Variants in ZNF609 observed in about 807,000 individuals in gnomAD.
ZNF609 encodes the protein zinc finger protein 609.
A neutral mutation model predicts 109.5 loss-of-function variants in ZNF609; 11 were observed. The ratio of observed to expected loss-of-function variants is 0.10; its 90% confidence interval spans 0.06 to 0.17. The LOEUF (loss-of-function observed/expected upper bound fraction) is 0.17, where lower values mean the gene tolerates loss of function less well. ZNF609 is among the 10% of genes least tolerant of loss of function. The pLI is 1.00. For synonymous variants in ZNF609, 646 were observed against 662.0 expected, an observed-to-expected ratio of 0.98 and a Z score of 0.37; for missense variants, 1,559 against 1,772.4, an observed-to-expected ratio of 0.88 and a Z score of 2.16.
chr15:64,480,376 C>G (rs1893235177), intron 1 of ZNF609, among the ~76,000 whole-genome samples: 1 of 151,906 alleles, frequency 6.6e-6, no homozygotes, highest in African/African-American at 2.4e-5. Flanking sequence ...TACTAAAATA[C>G]AAAAATTAGC....
At chr15:64,633,321 A>G (rs1177765028) in intron 3 of ZNF609, among the ~76,000 whole-genome samples, 4 of 151,830 alleles carry the variant, frequency 2.6e-5, no homozygotes, top group Non-Finnish European at 1.5e-5. Context: ...CTAATTTTGT[A>G]TTTTTTGTGG....
At chr15:64,565,396 C>T (rs910773476) in intron 2 of ZNF609, among the ~76,000 whole-genome samples, 4 of 151,822 alleles carry the variant, frequency 2.6e-5, no homozygotes, top group African/African-American at 9.7e-5. Context: ...CATCTTTTAT[C>T]CATTAATAGT....
chr15:64,547,186 A>G (rs185734841), intron 2 of ZNF609, among the ~76,000 whole-genome samples: 1 of 152,288 alleles, frequency 6.6e-6, no homozygotes, highest in East Asian at 1.9e-4. Context: ...ATTTCTGTGT[A>G]TGACCTTATA....
At position 64,588,442 on chromosome 15, in the gene ZNF609, A is replaced by AAAAAAAAAAAAAAAGAAG. The variant is rs71133451; in HGVS notation, c.748-34383_748-34382insAAAAAAAAAAAAGAAGAA. ...CACTCTGTCTAAAAAAAAAAAAAAA[A>AAAAAAAAAAAAAAAGAAG]AAGAAGAGGAAGACTGTACAGACTA... On this transcript the variant is annotated intron_variant, in intron 2 of 9. Transcript: ENST00000326648. Among the ~76,000 whole-genome samples the AAAAAAAAAAAAAAAGAAG allele has an allele frequency of 4.5e-4, 34 of 75,280 alleles. 1 individual carries two copies. Among genetic ancestry groups the AAAAAAAAAAAAAAAGAAG allele is most frequent in the African/African-American group, 1.3e-3 (26 of 19,516 alleles). 49.4% of individuals were successfully genotyped at this position (75,280 alleles called of 152,430 possible).
chr15:64,560,680 G>A lies in ZNF609; in HGVS notation c.747+60514G>A, dbSNP rs1040515442. Reference sequence around the variant, plus strand: ...TGAAGTGGGATGCTTGGCAAGAGGAGTAAATAGATGATAATTATGAAGAAG... The same window carrying A: ...TGAAGTGGGATGCTTGGCAAGAGGAATAAATAGATGATAATTATGAAGAAG... On this transcript the variant is annotated intron_variant, in intron 2 of 9. Coordinates refer to ENST00000326648, the MANE Select transcript of ZNF609 (RefSeq NM_015042.2). Among the ~76,000 whole-genome samples the A allele has an allele frequency of 7.9e-5, 12 of 152,112 alleles. 1 individual carries two copies. Among genetic ancestry groups the A allele is most frequent in the African/African-American group, 1.4e-4 (6 of 41,422 alleles).
intron 2 of ZNF609, among the ~76,000 whole-genome samples, chr15:64,540,030 C>T (rs1340562865): frequency 6.6e-6 from 1 of 152,212 alleles, no homozygotes; most frequent in African/African-American, 2.4e-5. Context: ...CCACACACCT[C>T]CCAAAGTGGT....
chr15:64,549,276 C>T (rs113543502), intron 2 of ZNF609, among the ~76,000 whole-genome samples: 21 of 152,146 alleles, frequency 1.4e-4, no homozygotes, highest in South Asian at 8.3e-4. Context: ...CCACAACCTC[C>T]GCCTCCCGGG....
chr15:64,677,024 A>G (rs1400799561), intron 5 of ZNF609, among the ~76,000 whole-genome samples: 1 of 151,866 alleles, frequency 6.6e-6, no homozygotes, highest in Non-Finnish European at 1.5e-5. Flanking sequence ...AAGTACCTGG[A>G]TTAAGGCGTG....
At chr15:64,575,690 G>C (rs999120000) in intron 2 of ZNF609, among the ~76,000 whole-genome samples, 1 of 152,110 alleles carries the variant, frequency 6.6e-6, no homozygotes, top group Non-Finnish European at 1.5e-5. Context: ...TTACAAAAAG[G>C]TTATGAAATT....
In ZNF609 at chr15:64,607,898, T is replaced by TC. The variant is rs1481299590; in HGVS notation, c.748-14929_748-14928insC. Reference sequence around the variant, plus strand: ...TTCTTTCTTCTTTCTTTTCTTTCTTTTTTTTTTTTTTTTTTTTTGAGACAG... The same window carrying TC: ...TTCTTTCTTCTTTCTTTTCTTTCTTTCTTTTTTTTTTTTTTTTTTGAGACAG... On this transcript the variant is annotated intron_variant, in intron 2 of 9. Transcript: ENST00000326648. Among the ~76,000 whole-genome samples the TC allele has an allele frequency of 1.5e-3, 158 of 107,046 alleles. 11 individuals carry two copies. The highest frequency in any genetic ancestry group is 4.6e-3 in the African/African-American group (135 of 29,300). 70.2% of individuals were successfully genotyped at this position (107,046 alleles called of 152,430 possible).
chr15:64,518,249 C>G (rs1893842992), intron 2 of ZNF609, among the ~76,000 whole-genome samples: 1 of 152,194 alleles, frequency 6.6e-6, no homozygotes, highest in African/African-American at 2.4e-5. Context: ...TCTAACCTCT[C>G]TGATAGTTAA....
rs146108364 is a variant in ZNF609 at position 64,678,588 on chromosome 15, G to A, written c.3769+106G>A. The A allele has an allele frequency of 6.9e-4, 1,016 of 1,466,314 alleles. 9 individuals are homozygous for A. The highest frequency in any genetic ancestry group is 1.8e-4 in the Middle Eastern group (1 of 5,496). 90.8% of individuals were successfully genotyped at this position (1,466,314 alleles called of 1,614,324 possible). A position where few individuals can be genotyped will look rare whatever the true frequency, so the allele number is the denominator to read the frequency against. On this transcript the variant is annotated intron_variant, in intron 6 of 9. Coordinates refer to ENST00000326648, the MANE Select transcript of ZNF609 (RefSeq NM_015042.2). Reference sequence around the variant, plus strand: ...TCAGCCCCAAGGCATATTGAGGCTCGCTTAGATGACGGACCTTTTTTCACT... The same window carrying A: ...TCAGCCCCAAGGCATATTGAGGCTCACTTAGATGACGGACCTTTTTTCACT...
intron 2 of ZNF609, among the ~76,000 whole-genome samples, chr15:64,575,488 A>G (rs1322848647): frequency 6.6e-6 from 1 of 151,952 alleles, no homozygotes; most frequent in Non-Finnish European, 1.5e-5. Context: ...TTTTGCACAT[A>G]CAGAATTTCT....
intron 2 of ZNF609, among the ~76,000 whole-genome samples, chr15:64,572,123 C>A (rs1205411179): frequency 6.6e-6 from 1 of 152,022 alleles, no homozygotes; most frequent in East Asian, 1.9e-4. Flanking sequence ...ACAGCAAGTG[C>A]AAAGGCCTGA....
intron 2 of ZNF609, among the ~76,000 whole-genome samples, chr15:64,526,108 T>TC (rs1035104533): frequency 6.0e-5 from 9 of 150,782 alleles, no homozygotes; most frequent in African/African-American, 1.7e-4. Context: ...TCTTTTCTTT[T>TC]TTTTTTTTTT....
intron 2 of ZNF609, among the ~76,000 whole-genome samples, chr15:64,622,538 A>G (rs919992852): frequency 6.6e-6 from 1 of 152,224 alleles, no homozygotes; most frequent in African/African-American, 2.4e-5. Context: ...AGGAAAAAAT[A>G]GAACTTTTTA....
At chr15:64,573,191 G>A (rs1055982026) in intron 2 of ZNF609, among the ~76,000 whole-genome samples, 6 of 151,288 alleles carry the variant, frequency 4.0e-5, no homozygotes, top group Non-Finnish European at 8.8e-5. Context: ...CAGAAACCAG[G>A]TCAAGTAAGA....
intron 7 of ZNF609, 42 bp downstream of exon 7, chr15:64,680,402 G>A: frequency 6.2e-7 from 1 of 1,604,162 alleles, no homozygotes; most frequent in East Asian, 2.2e-5. Context: ...CCAAAGACTA[G>A]TAAGGCCAGA....
At chr15:64,580,887 T>C (rs1895089539) in intron 2 of ZNF609, among the ~76,000 whole-genome samples, 1 of 151,740 alleles carries the variant, frequency 6.6e-6, no homozygotes, top group African/African-American at 2.4e-5. Context: ...TTTTAATGGA[T>C]AGTTTTGCTG....
Sources: gnomAD v4.1 joint callset for allele counts (sites outside exome capture counted in the v4.1 genomes callset) on GRCh38, gnomAD v4.1.1 for gene constraint, MANE v1.5 for transcripts, NCBI Gene and HGNC (gene_info 2026-07-23, HGNC 2026-07-21) for gene names.